ZNF214: variants seen among roughly 807,000 people sequenced by gnomAD.
ZNF214 encodes the protein zinc finger protein 214.
ZNF214 carries 43 observed loss-of-function variants against 53.9 expected under a neutral mutation model. That is an observed-to-expected ratio of 0.80 (90% CI 0.63 to 1.03). ZNF214 has a LOEUF of 1.03. Among genes scored for constraint, ZNF214 ranks in the 50% least tolerant of loss-of-function variants. The probability of loss-of-function intolerance (pLI) is 0.00; values close to 1 mark genes in which losing one functional copy is unlikely to be tolerated. For missense variants in ZNF214, 724 were observed against 719.1 expected (o/e 1.01, Z -0.08); for synonymous variants, 217 against 229.5 (o/e 0.95, Z 0.49).
intron 2 of ZNF214, among the ~76,000 whole-genome samples, chr11:7,002,012 T>G (rs1488791266): frequency 6.6e-6 from 1 of 152,004 alleles, no homozygotes; most frequent in Admixed American, 6.6e-5. Context: ...ACCTACACCT[T>G]TGGTGTTCTC....
rs1851784752 is a variant in ZNF214 at position 7,016,953 on chromosome 11, T to G, written c.-21+3120A>C. Among the ~76,000 whole-genome samples the G allele has an allele frequency of 1.3e-5, 2 of 152,126 alleles. 1 individual carries two copies. Among genetic ancestry groups the G allele is most frequent in the Admixed American group, 1.3e-4 (2 of 15,270 alleles). On this transcript the variant is annotated intron_variant, in intron 1 of 2. Coordinates refer to ENST00000278314, the MANE Select transcript of ZNF214 (RefSeq NM_013249.4). The stretch of plus-strand genomic sequence containing the variant: ...ATTTCATTTTATGCAAATTTAAAAC[T>G]TATATAAACAAGTCCTTAAAGTAAA...
intron 1 of ZNF214, among the ~76,000 whole-genome samples, chr11:7,010,178 T>C (rs1353190255): frequency 6.6e-6 from 1 of 151,948 alleles, no homozygotes; most frequent in African/African-American, 2.4e-5. Flanking sequence ...TAAATGCCCA[T>C]TAACAATAGA....
At chr11:7,012,489 A>G (rs1851629152) in intron 1 of ZNF214, among the ~76,000 whole-genome samples, 1 of 152,176 alleles carries the variant, frequency 6.6e-6, no homozygotes, top group African/African-American at 2.4e-5. Flanking sequence ...CCACTGTTAA[A>G]TGAATCCAAG....
At chr11:7,002,109 G>C (rs751678188) in intron 2 of ZNF214, among the ~76,000 whole-genome samples, 8 of 151,964 alleles carry the variant, frequency 5.3e-5, no homozygotes, top group Non-Finnish European at 1.2e-4. Context: ...GACTTGAAAA[G>C]TCCTTGCCCT....
At position 7,000,854 on chromosome 11, in the gene ZNF214, A is replaced by G; in HGVS notation, c.829T>C (p.Cys277Arg). ...TGAAAGTTACCGTCAACTTCATCAC[A>G]TCCGTACAGCTTCTTACCTATGTGG... The part of the protein sequence containing the change: ...RNHIGKKLYG[C>R]DEVDGNFHQS... Residue 277 changes from cysteine to arginine, a missense_variant, in exon 3 of 3, where the codon TGT becomes CGT. Transcript: ENST00000278314. The G allele has an allele frequency of 6.2e-7, 1 of 1,613,018 alleles. No individual in the cohort carries two copies. Among genetic ancestry groups the G allele is most frequent in the Non-Finnish European group, 8.5e-7 (1 of 1,179,502 alleles).
In ZNF214 at chr11:7,018,060, T is replaced by G. The variant is rs1194311461; in HGVS notation, c.-21+2013A>C. Among the ~76,000 whole-genome samples the G allele has an allele frequency of 2.1e-4, 32 of 152,316 alleles. 1 individual carries two copies. Among genetic ancestry groups the G allele is most frequent in the Non-Finnish European group, 7.4e-5 (5 of 68,026 alleles). ...GTGTGCATATACCTAAGTTTATATT[T>G]GTACATGTGTATGAACATGTATACA... On this transcript the variant is annotated intron_variant, in intron 1 of 2. Transcript: ENST00000278314.
chr11:7,004,963 T>C lies in ZNF214; in HGVS notation c.-20-2108A>G, dbSNP rs78173728. Reference sequence around the variant, plus strand: ...GTTATGCAATAATAGATAACTAATATTATTTGTAAAAGTTACGTAGCATTT... The same window carrying C: ...GTTATGCAATAATAGATAACTAATACTATTTGTAAAAGTTACGTAGCATTT... On this transcript the variant is annotated intron_variant, in intron 1 of 2. Transcript: ENST00000278314. Among the ~76,000 whole-genome samples the C allele has an allele frequency of 8.2e-3, 1,249 of 152,190 alleles. 29 individuals carry two copies. The highest frequency in any genetic ancestry group is 0.028 in the African/African-American group (1,160 of 41,546).
chr11:7,019,511 T>C (rs1419504951), intron 1 of ZNF214, among the ~76,000 whole-genome samples: 4 of 152,176 alleles, frequency 2.6e-5, no homozygotes, highest in Admixed American at 2.0e-4. Context: ...CCTCCCCTAC[T>C]TGCTAAACAG....
At chr11:7,016,936 T>C (rs1349065910) in intron 1 of ZNF214, among the ~76,000 whole-genome samples, 1 of 152,164 alleles carries the variant, frequency 6.6e-6, no homozygotes, top group African/African-American at 2.4e-5. Flanking sequence ...AGATTTCATT[T>C]TATGCAAATT....
chr11:7,017,916 A>T (rs542791753), intron 1 of ZNF214, among the ~76,000 whole-genome samples: 1 of 152,352 alleles, frequency 6.6e-6, no homozygotes, highest in African/African-American at 2.4e-5. Flanking sequence ...CTGAGTGCTT[A>T]GTATACGCAC....
At chr11:7,002,948 T>A in intron 1 of ZNF214, 93 bp from the exon 2 acceptor site, 1 of 1,282,998 alleles carries the variant, frequency 7.8e-7, no homozygotes, top group Non-Finnish European at 1.0e-6. Context: ...AAACAAGAAC[T>A]TCAGTAAAGG....
intron 1 of ZNF214, 142 bp from the exon 2 acceptor site, chr11:7,002,997 T>G (rs910763593): frequency 1.1e-5 from 7 of 638,610 alleles, no homozygotes; most frequent in African/African-American, 3.8e-5. Flanking sequence ...ATAACAATAG[T>G]AGTTAAATAG....
intron 1 of ZNF214, among the ~76,000 whole-genome samples, chr11:7,007,341 AAAT>A (rs1350662722): frequency 7.5e-6 from 1 of 133,280 alleles, no homozygotes; most frequent in Non-Finnish European, 1.6e-5. Flanking sequence ...TAATAAATTT[AAAT>A]AATTTAATAT....
In ZNF214 at chr11:7,001,545, A is replaced by G. The variant is rs1244724986; in HGVS notation, c.138T>C (p.Asn46=). The change falls in exon 3 of 3, where the codon AAT becomes AAC. Residue 46 remains asparagine, a synonymous_variant. Coordinates refer to ENST00000278314, the MANE Select transcript of ZNF214 (RefSeq NM_013249.4). ...YTNVMSVENW[N]ESYKSQEEKF... ...TTTCTTCTTGGGATTTGTAGCTCTC[A>G]TTCCAGTTTTCTAGAAAAATAAAAA... 3 of 1,590,490 alleles carry G rather than the reference A, an allele frequency of 1.9e-6. No homozygotes were observed. Among genetic ancestry groups the G allele is most frequent in the East Asian group, 4.5e-5 (2 of 44,614 alleles).
rs765552382 is a variant in ZNF214 at position 6,999,897 on chromosome 11, G to A, written c.1786C>T (p.His596Tyr). ...CCTCTTCTATGATTATTGTGAAGAT[G>A]TGAATTATGATCAAATCCCTTATAA... Reference protein sequence around the residue: ...EYYKGFDHNSHLHNNHRRGNL With the variant: ...EYYKGFDHNSYLHNNHRRGNL Residue 596 changes from histidine (H) to tyrosine (Y), a missense_variant, in exon 3 of 3, where the codon CAT (histidine) becomes TAT (tyrosine). Coordinates refer to ENST00000278314, the MANE Select transcript of ZNF214 (RefSeq NM_013249.4). 6.2e-7 allele frequency: 1 copy of A among 1,611,348 alleles called. No individual in the cohort carries two copies.
rs1851231180 is a variant in ZNF214 at position 6,998,192 on chromosome 11, A to G, written c.*1670T>C. 6.6e-6 allele frequency among the ~76,000 whole-genome samples: 1 copy of G among 151,948 alleles called. No homozygotes were observed. The highest frequency in any genetic ancestry group is 1.5e-5 in the Non-Finnish European group (1 of 67,908). Reference sequence around the variant, plus strand: ...ATTGCCTTCTGAGTTACTGTTGCAGAGCTCTGTATCCACCCTCCCTTTCTG... The same window carrying G: ...ATTGCCTTCTGAGTTACTGTTGCAGGGCTCTGTATCCACCCTCCCTTTCTG... On this transcript the variant is annotated 3_prime_UTR_variant, in exon 3 of 3. Coordinates refer to ENST00000278314, the MANE Select transcript of ZNF214 (RefSeq NM_013249.4).
chr11:7,003,590 A>G (rs1044395749), intron 1 of ZNF214, among the ~76,000 whole-genome samples: 7 of 152,056 alleles, frequency 4.6e-5, no homozygotes, highest in African/African-American at 1.7e-4. Flanking sequence ...ATGTAGTTAC[A>G]TCATAGAGGT....
Position 7,001,045 on chromosome 11 carries a change from G to A in ZNF214, c.638C>T (p.Ser213Leu). 5 of 1,613,184 alleles carry A rather than the reference G, an allele frequency of 3.1e-6. No individual in the cohort carries two copies. The highest frequency in any genetic ancestry group is 4.2e-6 in the Non-Finnish European group (5 of 1,179,548). Residue 213 changes from serine (S) to leucine (L), a missense_variant, in exon 3 of 3, where the codon TCA becomes TTA. Ser to Leu is a moderately radical substitution (Grantham distance 145, BLOSUM62 -2). Transcript: ENST00000278314. ...VICQEDLLRDSMEEKYCGCNK... is the reference protein window; with the variant it reads ...VICQEDLLRDLMEEKYCGCNK... Reference sequence around the variant, plus strand: ...ACATCCACAGTACTTTTCTTCCATTGAATCTCTCAGTAGGTCTTCTTGACA... The same window carrying A: ...ACATCCACAGTACTTTTCTTCCATTAAATCTCTCAGTAGGTCTTCTTGACA...
At chr11:7,018,890 A>C (rs1395298964) in intron 1 of ZNF214, among the ~76,000 whole-genome samples, 2 of 152,168 alleles carry the variant, frequency 1.3e-5, no homozygotes, top group East Asian at 1.9e-4. Flanking sequence ...TGAATGAGTA[A>C]ATGTTGGGAA....
Sources: gnomAD v4.1 joint callset for allele counts (sites outside exome capture counted in the v4.1 genomes callset) on GRCh38, gnomAD v4.1.1 for gene constraint, MANE v1.5 for transcripts, NCBI Gene and HGNC (gene_info 2026-07-23, HGNC 2026-07-21) for gene names.